The following GRB14 variants were observed in gnomAD, a reference collection of about 807,000 sequenced individuals.
GRB14 encodes growth factor receptor-bound protein 14.
A neutral mutation model predicts 69.1 loss-of-function variants in GRB14; 38 were observed. The ratio of observed to expected loss-of-function variants is 0.55; its 90% CI spans 0.42 to 0.72. The LOEUF (loss-of-function observed/expected upper bound fraction) is 0.72. Ranked by LOEUF, GRB14 falls within the 30% of genes least tolerant of loss-of-function variation. GRB14 has a pLI of 0.00. For missense variants in GRB14, 666 were observed against 666.1 expected (o/e 1.00, Z 0.00); for synonymous variants, 247 against 241.3 (o/e 1.02, Z -0.22).
At position 164,552,471 on chromosome 2, in the gene GRB14, C is replaced by T. The variant is rs972615360; in HGVS notation, c.325-4655G>A. On this transcript the variant is annotated intron_variant, in intron 2 of 13. Coordinates refer to ENST00000263915, the MANE Select transcript of GRB14 (RefSeq NM_004490.3). ...TGCCTTTGAGTATATAATTAATTCC[C>T]ATTTTTATGCTCAGAAAATTAAAAA... is the stretch of plus-strand genomic sequence containing the variant. Among the ~76,000 whole-genome samples the T allele has an allele frequency of 3.3e-5, 5 of 152,218 alleles. No homozygotes were observed. In the East Asian group the frequency reaches 7.7e-4, roughly 24 times the overall value.
chr2:164,567,582 G>C (rs1187971241), intron 2 of GRB14, among the ~76,000 whole-genome samples: 1 of 152,122 alleles, frequency 6.6e-6, no homozygotes, highest in Non-Finnish European at 1.5e-5. Context: ...AAGAAGTCCA[G>C]TGCAATGTTC....
intron 2 of GRB14, among the ~76,000 whole-genome samples, chr2:164,559,827 G>T (rs921873491): frequency 2.0e-5 from 3 of 152,018 alleles, no homozygotes; most frequent in African/African-American, 2.4e-5. Flanking sequence ...TGGGTCAAAT[G>T]GTAGTTCTAC....
intron 4 of GRB14, among the ~76,000 whole-genome samples, chr2:164,525,966 A>T (rs894122697): frequency 1.3e-5 from 2 of 152,114 alleles, no homozygotes; most frequent in African/African-American, 2.4e-5. Flanking sequence ...CTACAAAACA[A>T]ATGTCCAGCC....
chr2:164,537,222 G>C (rs1688102990), intron 3 of GRB14, among the ~76,000 whole-genome samples: 1 of 152,138 alleles, frequency 6.6e-6, no homozygotes, highest in African/African-American at 2.4e-5. Flanking sequence ...CAGTCAGCTT[G>C]GACAGCTCAG....
Position 164,508,553 on chromosome 2 carries a change from A to G in GRB14, c.928-3T>C, listed in dbSNP as rs1687253508. ...CGGGGCCCTCCCGCTTTGTTAGGCTAGAAGGCCACAGCACATTGTTTATCG... is the reference window on the plus strand; with the variant it reads ...CGGGGCCCTCCCGCTTTGTTAGGCTGGAAGGCCACAGCACATTGTTTATCG... On this transcript the variant is annotated splice_polypyrimidine_tract_variant and splice_region_variant and intron_variant, in intron 7 of 13. Coordinates refer to ENST00000263915, the MANE Select transcript of GRB14 (RefSeq NM_004490.3). The G allele has an allele frequency of 6.2e-7, 1 of 1,612,848 alleles. No individual in the cohort carries two copies. The highest frequency in any genetic ancestry group is 2.2e-5 in the East Asian group (1 of 44,866).
chr2:164,583,610 A>G (rs933256064), intron 2 of GRB14, among the ~76,000 whole-genome samples: 1 of 152,238 alleles, frequency 6.6e-6, no homozygotes. Flanking sequence ...ATCCAGTAAA[A>G]TAGTGTATAA....
chr2:164,503,661 A>G (rs1486801765), intron 8 of GRB14, among the ~76,000 whole-genome samples: 3 of 152,118 alleles, frequency 2.0e-5, no homozygotes, highest in African/African-American at 7.2e-5. Flanking sequence ...TTTCAAATCA[A>G]CTCTAAGCCT....
At chr2:164,581,176 G>A (rs1689395128) in intron 2 of GRB14, among the ~76,000 whole-genome samples, 1 of 151,702 alleles carries the variant, frequency 6.6e-6, no homozygotes. Flanking sequence ...TTTCCTTTAG[G>A]GCCTGCCCTT....
At chr2:164,534,776 T>C (rs1688037083) in intron 3 of GRB14, among the ~76,000 whole-genome samples, 1 of 152,206 alleles carries the variant, frequency 6.6e-6, no homozygotes, top group Non-Finnish European at 1.5e-5. Flanking sequence ...CTAGGGGCTC[T>C]TTGCTGCTAT....
intron 1 of GRB14, among the ~76,000 whole-genome samples, chr2:164,620,375 T>C (rs2105367321): frequency 6.6e-6 from 1 of 152,300 alleles, no homozygotes; most frequent in Admixed American, 6.5e-5. Flanking sequence ...CACAGTCTGT[T>C]GATTTTTCAA....
intron 13 of GRB14, 71 bp from the exon 14 acceptor site, chr2:164,493,253 A>G (rs1178996772): frequency 7.0e-7 from 1 of 1,420,046 alleles, no homozygotes; most frequent in African/African-American, 1.4e-5. Context: ...TTCGATTGCA[A>G]ACTATCTCCA....
At chr2:164,602,503 C>T (rs897495696) in intron 2 of GRB14, among the ~76,000 whole-genome samples, 1 of 152,026 alleles carries the variant, frequency 6.6e-6, no homozygotes, top group African/African-American at 2.4e-5. Flanking sequence ...TTGGTTTACA[C>T]GTACTTCATA....
intron 2 of GRB14, among the ~76,000 whole-genome samples, chr2:164,618,655 C>T (rs1690367087): frequency 6.6e-6 from 1 of 152,180 alleles, no homozygotes; most frequent in Non-Finnish European, 1.5e-5. Context: ...AACATATTTC[C>T]TACTGTCTCT....
chr2:164,618,089 C>T (rs575331694), intron 2 of GRB14, among the ~76,000 whole-genome samples: 6 of 152,150 alleles, frequency 3.9e-5, no homozygotes, highest in South Asian at 4.2e-4. Context: ...GCCTCCGCCT[C>T]CCGAGTAGCT....
At chr2:164,615,363 T>C (rs1329001082) in intron 2 of GRB14, among the ~76,000 whole-genome samples, 1 of 152,192 alleles carries the variant, frequency 6.6e-6, no homozygotes, top group Non-Finnish European at 1.5e-5. Flanking sequence ...CGTAGTTACA[T>C]TTCGGGAAGA....
chr2:164,497,575 T>G (rs573515944), intron 9 of GRB14, 85 bp from the exon 10 acceptor site: 2 of 923,420 alleles, frequency 2.2e-6, no homozygotes, highest in African/African-American at 3.3e-5. Flanking sequence ...TCAATTTCAG[T>G]GTTTTTCTCT....
intron 2 of GRB14, among the ~76,000 whole-genome samples, chr2:164,576,293 A>T (rs1689249193): frequency 6.6e-6 from 1 of 152,020 alleles, no homozygotes; most frequent in South Asian, 2.1e-4. Flanking sequence ...AGAATTAAAA[A>T]GTAGGTATAA....
At chr2:164,544,272 C>T (rs931976473) in intron 3 of GRB14, among the ~76,000 whole-genome samples, 8 of 152,114 alleles carry the variant, frequency 5.3e-5, no homozygotes, top group Non-Finnish European at 7.4e-5. Context: ...CATTAAAAGA[C>T]CTGTGTGTTT....
At chr2:164,564,127 C>T (rs1415654386) in intron 2 of GRB14, among the ~76,000 whole-genome samples, 2 of 152,042 alleles carry the variant, frequency 1.3e-5, no homozygotes, top group Non-Finnish European at 2.9e-5. Context: ...CAGCCTGAGC[C>T]GACACTTAGG....
Sources: gnomAD v4.1 joint callset for allele counts (sites outside exome capture counted in the v4.1 genomes callset) on GRCh38, gnomAD v4.1.1 for gene constraint, MANE v1.5 for transcripts, NCBI Gene and HGNC (gene_info 2026-07-23, HGNC 2026-07-21) for gene names.